CTNNA3: variants seen among roughly 807,000 people sequenced by gnomAD.
CTNNA3 encodes the protein catenin alpha 3.
CTNNA3 carries 76 observed loss-of-function variants against 95.7 expected under a neutral mutation model. The ratio of observed to expected loss-of-function variants is 0.79; its 90% CI spans 0.66 to 0.96. The LOEUF (loss-of-function observed/expected upper bound fraction) is 0.96. Among genes scored for constraint, CTNNA3 ranks in the 40% least tolerant of loss-of-function variants. The pLI is 0.00. For missense variants in CTNNA3, 1,191 were observed against 1,089.8 expected (o/e 1.09, Z -1.31); for synonymous variants, 431 against 374.4 (o/e 1.15, Z -1.74).
intron 1 of CTNNA3, among the ~76,000 whole-genome samples, chr10:67,686,215 G>C (rs1167086898): frequency 6.6e-6 from 1 of 152,296 alleles, no homozygotes; most frequent in East Asian, 1.9e-4. Flanking sequence ...CAGTTCTAAG[G>C]CTTGGGTAAG....
intron 13 of CTNNA3, among the ~76,000 whole-genome samples, chr10:66,160,090 G>T (rs575172421): frequency 6.6e-6 from 1 of 151,852 alleles, no homozygotes; most frequent in Non-Finnish European, 1.5e-5. Flanking sequence ...TAATCTTGCT[G>T]ATGGTTTATC....
intron 3 of CTNNA3, among the ~76,000 whole-genome samples, chr10:67,573,196 G>C (rs986634498): frequency 6.6e-6 from 1 of 152,200 alleles, no homozygotes; most frequent in Admixed American, 6.5e-5. Flanking sequence ...TATAGACAAT[G>C]ATGGGATTAG....
chr10:67,026,427 T>G (rs1853393072), intron 7 of CTNNA3, among the ~76,000 whole-genome samples: 1 of 150,732 alleles, frequency 6.6e-6, no homozygotes, highest in African/African-American at 2.5e-5. Flanking sequence ...TGAATTGTAT[T>G]AAATACTATT....
At chr10:66,520,976 A>C (rs1181896200) in intron 10 of CTNNA3, among the ~76,000 whole-genome samples, 1 of 151,292 alleles carries the variant, frequency 6.6e-6, no homozygotes, top group African/African-American at 2.4e-5. Context: ...ATTCATGTTA[A>C]ACATAAAAAA....
chr10:67,343,198 G>A (rs958808105), intron 5 of CTNNA3, among the ~76,000 whole-genome samples: 6 of 152,046 alleles, frequency 3.9e-5, no homozygotes, highest in Admixed American at 2.0e-4. Context: ...TGATCTGCCC[G>A]CCTTGGCCTC....
At chr10:67,341,006 CT>C (rs1291553857) in intron 5 of CTNNA3, among the ~76,000 whole-genome samples, 1 of 151,988 alleles carries the variant, frequency 6.6e-6, no homozygotes, top group Non-Finnish European at 1.5e-5. Context: ...ATTTTACAAT[CT>C]AGTTATTGAA....
intron 15 of CTNNA3, among the ~76,000 whole-genome samples, chr10:66,028,181 A>C (rs1421962082): frequency 6.6e-6 from 1 of 152,242 alleles, no homozygotes; most frequent in Non-Finnish European, 1.5e-5. Flanking sequence ...CGTGGAAGTC[A>C]GTGTGGGAAT....
At chr10:66,199,058 TTGTTTCCATCACGGGAATAA>T (rs1390265057) in intron 13 of CTNNA3, among the ~76,000 whole-genome samples, 1 of 152,042 alleles carries the variant, frequency 6.6e-6, no homozygotes. Context: ...TGCTGAAGAG[TTGTTTCCATCACGGGAATAA>T]TGTTCCTTGA....
chr10:66,623,338 AT>A (rs1844817471), intron 9 of CTNNA3, among the ~76,000 whole-genome samples: 2 of 152,168 alleles, frequency 1.3e-5, no homozygotes, highest in African/African-American at 2.4e-5. Context: ...AAGCTTAGAA[AT>A]TATAAAAAAC....
intron 10 of CTNNA3, among the ~76,000 whole-genome samples, chr10:66,573,860 G>T (rs751345365): frequency 3.3e-5 from 5 of 152,012 alleles, no homozygotes; most frequent in Non-Finnish European, 4.4e-5. Flanking sequence ...TTGGGCATTG[G>T]ATCACTATCA....
chr10:66,033,850 G>C (rs923930061), intron 15 of CTNNA3, among the ~76,000 whole-genome samples: 1 of 152,158 alleles, frequency 6.6e-6, no homozygotes, highest in Non-Finnish European at 1.5e-5. Flanking sequence ...CTTATATAAT[G>C]TCTTCGCTCC....
intron 1 of CTNNA3, among the ~76,000 whole-genome samples, chr10:67,745,783 A>G (rs1171227112): frequency 6.6e-6 from 1 of 152,158 alleles, no homozygotes; most frequent in Admixed American, 6.5e-5. Flanking sequence ...GTCAAAAGCA[A>G]AAAATCTGAA....
chr10:67,266,002 AG>A (rs1866809559), intron 5 of CTNNA3, among the ~76,000 whole-genome samples: 1 of 152,326 alleles, frequency 6.6e-6, no homozygotes, highest in African/African-American at 2.4e-5. Flanking sequence ...ATTCAAACCT[AG>A]ACTGACACCC....
chr10:67,204,099 G>A (rs532590728), intron 6 of CTNNA3, among the ~76,000 whole-genome samples: 11 of 152,212 alleles, frequency 7.2e-5, no homozygotes, highest in Admixed American at 5.2e-4. Flanking sequence ...TTAGAAGGAA[G>A]TGATAAAGCA....
intron 11 of CTNNA3, among the ~76,000 whole-genome samples, chr10:66,395,561 G>A (rs1354704622): frequency 6.6e-6 from 1 of 151,946 alleles, no homozygotes; most frequent in Non-Finnish European, 1.5e-5. Flanking sequence ...AAGGTACCAT[G>A]TTTTCAGGAA....
intron 11 of CTNNA3, among the ~76,000 whole-genome samples, chr10:66,489,463 G>T (rs983173260): frequency 1.3e-5 from 2 of 152,092 alleles, no homozygotes; most frequent in African/African-American, 4.8e-5. Flanking sequence ...AAGAATTACA[G>T]AAATTATAAA....
intron 11 of CTNNA3, among the ~76,000 whole-genome samples, chr10:66,417,900 A>G (rs946160808): frequency 1.3e-5 from 2 of 151,968 alleles, no homozygotes; most frequent in Non-Finnish European, 2.9e-5. Context: ...ATAATTGCCT[A>G]CATCAAAAGT....
intron 3 of CTNNA3, among the ~76,000 whole-genome samples, chr10:67,564,677 G>GTGTGTATGTATA (rs1488656262): frequency 1.6e-5 from 1 of 61,334 alleles, no homozygotes; most frequent in African/African-American, 6.4e-5. Context: ...GTGTGTGTGT[G>GTGTGTATGTATA]TATATATATA....
chr10:67,236,027 A>G (rs1865438769), intron 5 of CTNNA3, among the ~76,000 whole-genome samples: 1 of 145,750 alleles, frequency 6.9e-6, no homozygotes, highest in Middle Eastern at 3.4e-3. Flanking sequence ...GCTGGAGAGG[A>G]TGTGGAGAAA....
Sources: gnomAD v4.1 joint callset for allele counts (sites outside exome capture counted in the v4.1 genomes callset) on GRCh38, gnomAD v4.1.1 for gene constraint, MANE v1.5 for transcripts, NCBI Gene and HGNC (gene_info 2026-07-23, HGNC 2026-07-21) for gene names.